The following LIN7A variants were observed in gnomAD, a reference collection of about 807,000 sequenced individuals.
The protein encoded by LIN7A is lin-7 cell polarity scaffold A, also known as protein lin-7 homolog A.
Under a neutral mutation model 29.8 loss-of-function variants are expected in LIN7A, and 25 were observed. The ratio of observed to expected loss-of-function variants is 0.84; its 90% CI spans 0.61 to 1.17. LIN7A has a LOEUF of 1.17. LIN7A is among the 50% of genes most tolerant of loss of function. The pLI, the probability that LIN7A is intolerant of heterozygous loss-of-function variation, is 0.00. For synonymous variants in LIN7A, 118 were observed against 107.5 expected (o/e 1.10, Z -0.60); for missense variants, 239 against 287.0 (o/e 0.83, Z 1.21).
intron 4 of LIN7A, among the ~76,000 whole-genome samples, chr12:80,840,590 T>C (rs1592882843): frequency 6.8e-6 from 1 of 146,166 alleles, no homozygotes; most frequent in East Asian, 2.0e-4. Flanking sequence ...AAAAAAACTA[T>C]AAAGTACTAA....
chr12:80,815,910 A>G (rs1468790391), intron 4 of LIN7A, among the ~76,000 whole-genome samples: 1 of 152,170 alleles, frequency 6.6e-6, no homozygotes, highest in Non-Finnish European at 1.5e-5. Context: ...GTAGGTACCC[A>G]GGAAATATTT....
intron 2 of LIN7A, among the ~76,000 whole-genome samples, chr12:80,867,396 T>C (rs1395192854): frequency 1.3e-5 from 2 of 152,168 alleles, no homozygotes; most frequent in East Asian, 3.9e-4. Flanking sequence ...CCAGCCAGAT[T>C]GACCCACCTA....
chr12:80,901,422 T>C (rs1876207988), intron 1 of LIN7A, among the ~76,000 whole-genome samples: 1 of 152,196 alleles, frequency 6.6e-6, no homozygotes, highest in Non-Finnish European at 1.5e-5. Flanking sequence ...TGCTGGCATG[T>C]TAAAATGCAA....
intron 2 of LIN7A, among the ~76,000 whole-genome samples, chr12:80,849,768 T>TG (rs1384055622): frequency 6.6e-6 from 1 of 152,268 alleles, no homozygotes; most frequent in African/African-American, 2.4e-5. Flanking sequence ...CCGTTTACTC[T>TG]GCTAGGAATG....
chr12:80,816,116 T>C (rs184789069), intron 4 of LIN7A, among the ~76,000 whole-genome samples: 2 of 152,300 alleles, frequency 1.3e-5, no homozygotes, highest in African/African-American at 2.4e-5. Context: ...AAGATTAATA[T>C]GAGGTCAAGC....
intron 2 of LIN7A, among the ~76,000 whole-genome samples, chr12:80,874,413 G>A (rs979227691): frequency 1.3e-5 from 2 of 152,178 alleles, no homozygotes; most frequent in Non-Finnish European, 2.9e-5. Context: ...TTCTGAAAAT[G>A]TCATAACTGT....
At chr12:80,896,728 C>T (rs1875919793) in intron 1 of LIN7A, among the ~76,000 whole-genome samples, 1 of 152,118 alleles carries the variant, frequency 6.6e-6, no homozygotes, top group Admixed American at 6.5e-5. Flanking sequence ...ACTAAATGAT[C>T]ATGGGATTTG....
chr12:80,937,692 TGGGAGCC>T lies in LIN7A; in HGVS notation c.24_30del (p.Ala9ArgfsTer7). On this transcript the variant is annotated frameshift_variant, in exon 1 of 6. Transcript: ENST00000552864. LOFTEE classifies it high-confidence loss of function. ...ACTGTCAATGTCGCCATGTCTGCCG[TGGGAGCC>T]GAAGTGACGCTCGGCTTCAGCATCA... 2.0e-6 allele frequency: 3 copies of T among 1,531,372 alleles called. No homozygotes were observed. The highest frequency in any genetic ancestry group is 2.6e-6 in the Non-Finnish European group (3 of 1,137,606). The allele number at this position is 1,531,372 out of a possible 1,614,324, so 94.9% of individuals were successfully genotyped here.
At chr12:80,929,686 C>T (rs1237975244) in intron 1 of LIN7A, among the ~76,000 whole-genome samples, 3 of 152,090 alleles carry the variant, frequency 2.0e-5, no homozygotes, top group African/African-American at 7.2e-5. Context: ...ACTTTCTTTT[C>T]TAAGTGCCAA....
At chr12:80,900,058 GCT>G (rs1430484558) in intron 1 of LIN7A, among the ~76,000 whole-genome samples, 1 of 152,094 alleles carries the variant, frequency 6.6e-6, no homozygotes, top group African/African-American at 2.4e-5. Context: ...TGTGCATAGA[GCT>G]GTTCATAGTA....
intron 4 of LIN7A, among the ~76,000 whole-genome samples, chr12:80,820,989 T>C (rs1341521810): frequency 6.6e-6 from 1 of 152,184 alleles, no homozygotes; most frequent in Non-Finnish European, 1.5e-5. Flanking sequence ...AGGTCTGCAT[T>C]AGGATAGGGA....
At chr12:80,803,390 T>A (rs924948847) in intron 5 of LIN7A, among the ~76,000 whole-genome samples, 2 of 152,244 alleles carry the variant, frequency 1.3e-5, no homozygotes, top group African/African-American at 4.8e-5. Context: ...GATTGTCCTT[T>A]ATCCATTGCA....
chr12:80,810,938 T>C (rs904768188), intron 5 of LIN7A, among the ~76,000 whole-genome samples: 3 of 152,232 alleles, frequency 2.0e-5, no homozygotes, highest in African/African-American at 7.2e-5. Context: ...TCTTACAGCA[T>C]AGACAGTGGC....
In LIN7A at chr12:80,933,082, TG is replaced by T. The variant is rs1878003137; in HGVS notation, c.82+4558del. Among the ~76,000 whole-genome samples, 7 of 152,316 alleles carry T rather than the reference TG, an allele frequency of 4.6e-5. No individual in the cohort carries two copies. The South Asian group carries it at 1.2e-3, about 27-fold the overall frequency. ...CTAACATAAAATATTGGACTAAAAT[TG>T]AATATATCTCCTCTTATGACCACTT... On this transcript the variant is annotated intron_variant, in intron 1 of 5. Coordinates refer to ENST00000552864, the MANE Select transcript of LIN7A (RefSeq NM_004664.4).
chr12:80,866,215 A>G (rs1025530937), intron 2 of LIN7A, among the ~76,000 whole-genome samples: 2 of 152,244 alleles, frequency 1.3e-5, no homozygotes, highest in African/African-American at 2.4e-5. Context: ...AAGATACTAC[A>G]GGATATTTAA....
chr12:80,887,888 G>GA (rs553694733), intron 2 of LIN7A, among the ~76,000 whole-genome samples: 49 of 151,780 alleles, frequency 3.2e-4, no homozygotes, highest in East Asian at 1.4e-3. Context: ...CTCTAAAAAG[G>GA]AAAAAAAATT....
chr12:80,827,772 A>G (rs931527746), intron 4 of LIN7A, among the ~76,000 whole-genome samples: 3 of 152,112 alleles, frequency 2.0e-5, no homozygotes, highest in Admixed American at 6.5e-5. Flanking sequence ...AACAGTACTT[A>G]TTCTCTATTA....
At chr12:80,873,533 TAAAAAAAAAAAG>T (rs1874527400) in intron 2 of LIN7A, among the ~76,000 whole-genome samples, 2 of 106,426 alleles carry the variant, frequency 1.9e-5, no homozygotes, top group Admixed American at 9.9e-5. Flanking sequence ...ACCCTGTCTC[TAAAAAAAAAAAG>T]AAAAAAAAAA....
At chr12:80,842,473 C>G (rs773668959) in intron 4 of LIN7A, among the ~76,000 whole-genome samples, 25 of 152,092 alleles carry the variant, frequency 1.6e-4, no homozygotes, top group African/African-American at 5.8e-4. Flanking sequence ...TGCTTTAGCC[C>G]TCCAAAGCAC....
Sources: allele counts gnomAD v4.1 joint callset (sites outside exome capture counted in the v4.1 genomes callset), GRCh38; gene constraint gnomAD v4.1.1; transcripts MANE v1.5; gene names NCBI Gene and HGNC (gene_info 2026-07-23, HGNC 2026-07-21).